Variants in PSME3 observed in about 807,000 individuals in gnomAD.
The protein encoded by PSME3 is proteasome activator complex subunit 3.
Under a neutral mutation model 38.3 loss-of-function variants are expected in PSME3, and 7 were observed. That is an observed-to-expected ratio of 0.18 (90% CI 0.10 to 0.34). The LOEUF (loss-of-function observed/expected upper bound fraction) is 0.34, where lower values mean the gene tolerates loss of function less well. Ranked by LOEUF, PSME3 falls within the 10% of genes least tolerant of loss-of-function variation. The probability of loss-of-function intolerance (pLI) is 1.00; values close to 1 mark genes in which losing one functional copy is unlikely to be tolerated. For synonymous variants in PSME3, 108 were observed against 105.7 expected (o/e 1.02, Z -0.13); for missense variants, 192 against 307.6 (o/e 0.62, Z 2.81).
intron 10 of PSME3, among the ~76,000 whole-genome samples, chr17:42,841,190 T>C (rs980871567): frequency 1.3e-5 from 2 of 151,958 alleles, no homozygotes; most frequent in African/African-American, 4.8e-5. Flanking sequence ...CCATAGGTTC[T>C]TAGAAACTGC....
At chr17:42,834,666 TTTTA>T in intron 3 of PSME3, 89 bp downstream of exon 3, 9 of 1,599,238 alleles carry the variant, frequency 5.6e-6, no homozygotes, top group Non-Finnish European at 7.7e-6. Flanking sequence ...TTCTTCTTCT[TTTTA>T]TTTTTTTAAA....
intron 3 of PSME3, 44 bp downstream of exon 3, chr17:42,834,621 C>A: frequency 6.2e-7 from 1 of 1,611,110 alleles, no homozygotes; most frequent in Non-Finnish European, 8.5e-7. Flanking sequence ...ATTTTTTTGG[C>A]CCTGGTATTA....
intron 4 of PSME3, among the ~76,000 whole-genome samples, chr17:42,835,618 C>T (rs1363425730): frequency 1.3e-5 from 2 of 151,524 alleles, no homozygotes; most frequent in South Asian, 2.1e-4. Context: ...CCAGCTACTT[C>T]GGAGGCTGAG....
chr17:42,835,483 T>G (rs934304903), intron 4 of PSME3, among the ~76,000 whole-genome samples: 1 of 152,126 alleles, frequency 6.6e-6, no homozygotes, highest in Non-Finnish European at 1.5e-5. Flanking sequence ...CCCAGCACTT[T>G]GGGAGGCCGA....
chr17:42,837,557 C>A, intron 4 of PSME3, 92 bp from the exon 5 acceptor site: 2 of 1,245,140 alleles, frequency 1.6e-6, no homozygotes, highest in Non-Finnish European at 2.4e-6. Context: ...AGCTATGAGG[C>A]TGAGGAAGGG....
chr17:42,836,038 C>G (rs2055458950), intron 4 of PSME3, among the ~76,000 whole-genome samples: 1 of 145,942 alleles, frequency 6.9e-6, no homozygotes, highest in Non-Finnish European at 1.5e-5. Flanking sequence ...CAGAGTCTCA[C>G]TCTGTTGCCT....
chr17:42,834,428 G>A, intron 2 of PSME3, 52 bp downstream of exon 2: 1 of 1,602,384 alleles, frequency 6.2e-7, no homozygotes, highest in Non-Finnish European at 8.5e-7. Flanking sequence ...TCCCAAAGAG[G>A]AGATACCTGG....
At position 42,834,563 on chromosome 17, in the gene PSME3, G is replaced by A; in HGVS notation, c.124G>A (p.Asp42Asn). 6.2e-7 allele frequency: 1 copy of A among 1,613,894 alleles called. No homozygotes were observed. The highest frequency in any genetic ancestry group is 8.5e-7 in the Non-Finnish European group (1 of 1,179,882). ...NFFPKKLLEL[D>N]SFLKEPILNI... ...TTTCCCAAAGAAGTTATTAGAACTT[G>A]ATAGTTTTCTGAAGGTGAGAGACCC... Residue 42 changes from aspartate (D) to asparagine (N), a missense_variant, in exon 3 of 11, where the codon GAT becomes AAT. Transcript: ENST00000590720.
chr17:42,833,566 C>A lies in PSME3; in HGVS notation c.-66C>A. On this transcript the variant is annotated 5_prime_UTR_variant, in exon 1 of 11. Coordinates refer to ENST00000590720, the MANE Select transcript of PSME3 (RefSeq NM_005789.4). Reference sequence around the variant, plus strand: ...TCAGCCGAGATTTCTCAGGTCCCTCCGGCCCCCTCCCTGGAGTCCACAGCG... The same window carrying A: ...TCAGCCGAGATTTCTCAGGTCCCTCAGGCCCCCTCCCTGGAGTCCACAGCG... 5 of 1,602,806 alleles carry A rather than the reference C, an allele frequency of 3.1e-6. No homozygotes were observed. The highest frequency in any genetic ancestry group is 4.3e-6 in the Non-Finnish European group (5 of 1,170,766).
intron 4 of PSME3, among the ~76,000 whole-genome samples, chr17:42,836,582 C>T (rs750194088): frequency 6.6e-6 from 1 of 152,112 alleles, no homozygotes; most frequent in African/African-American, 2.4e-5. Context: ...TGAGGGGGAA[C>T]CCAGTCTCAC....
chr17:42,838,565 G>A (rs758849021), intron 6 of PSME3, 166 bp from the exon 7 acceptor site: 95 of 724,828 alleles, frequency 1.3e-4, no homozygotes, highest in Middle Eastern at 3.7e-4. Flanking sequence ...TGATCCACCC[G>A]CTTCGGGGTC....
intron 1 of PSME3, 144 bp downstream of exon 1, chr17:42,833,817 G>C: frequency 6.4e-7 from 1 of 1,570,966 alleles, no homozygotes; most frequent in Non-Finnish European, 8.6e-7. Context: ...CCAACTCCCG[G>C]GGTCGGCTTC....
At position 42,838,021 on chromosome 17, in the gene PSME3, A is replaced by G. The variant is rs1294571797; in HGVS notation, c.293-72A>G. The G allele has an allele frequency of 2.0e-6, 3 of 1,526,482 alleles. No individual in the cohort carries two copies. In the East Asian group the frequency reaches 6.8e-5, roughly 34 times the overall value. The allele number at this position is 1,526,482 out of a possible 1,614,324, so 94.6% of individuals were successfully genotyped here. The stretch of plus-strand genomic sequence containing the variant: ...TCATAGCATCTGATAGGTATAGGGA[A>G]AATGAGAGAGAGGCAGGGGATGCTG... On this transcript the variant is annotated intron_variant, in intron 5 of 10. Transcript: ENST00000590720.
At position 42,842,078 on chromosome 17, in the gene PSME3, G is replaced by A. The variant is rs1320088416; in HGVS notation, c.*500G>A. ...ATTGGATCCTCCCACAGTTGCCCTGGTGATGACTTAGGGCTTCCCATCTGT... is the reference window on the plus strand; with the variant it reads ...ATTGGATCCTCCCACAGTTGCCCTGATGATGACTTAGGGCTTCCCATCTGT... On this transcript the variant is annotated 3_prime_UTR_variant, in exon 11 of 11. Transcript: ENST00000590720. 1 of 152,702 alleles carries A rather than the reference G, an allele frequency of 6.5e-6. No homozygotes were observed. The highest frequency in any genetic ancestry group is 2.4e-5 in the African/African-American group (1 of 41,404). The allele number at this position is 152,702 out of a possible 1,614,324, so 9.5% of individuals were successfully genotyped here. A position where few individuals can be genotyped will look rare whatever the true frequency, so the allele number is the denominator to read the frequency against.
intron 10 of PSME3, among the ~76,000 whole-genome samples, chr17:42,840,214 C>G (rs995807217): frequency 1.4e-4 from 21 of 146,710 alleles, no homozygotes; most frequent in Non-Finnish European, 2.5e-4. Context: ...ACCCGGGAGG[C>G]GGAGGTTGCA....
chr17:42,842,080 G>A lies in PSME3; in HGVS notation c.*502G>A, dbSNP rs2055541446. 6.5e-6 allele frequency: 1 copy of A among 152,810 alleles called. No individual in the cohort carries two copies. Among genetic ancestry groups the A allele is most frequent in the South Asian group, 2.1e-4 (1 of 4,874 alleles). The allele number at this position is 152,810 out of a possible 1,614,324, so 9.5% of individuals were successfully genotyped here. Reference sequence around the variant, plus strand: ...TGGATCCTCCCACAGTTGCCCTGGTGATGACTTAGGGCTTCCCATCTGTGT... The same window carrying A: ...TGGATCCTCCCACAGTTGCCCTGGTAATGACTTAGGGCTTCCCATCTGTGT... On this transcript the variant is annotated 3_prime_UTR_variant, in exon 11 of 11. Coordinates refer to ENST00000590720, the MANE Select transcript of PSME3 (RefSeq NM_005789.4).
chr17:42,841,595 AG>A lies in PSME3; in HGVS notation c.*21del. ...CTGTACTGAGGCCAGGGCCAGGGCC[AG>A]GGGACTCTGTGAGTCTGGCTCAAGA... is the stretch of plus-strand genomic sequence containing the variant. On this transcript the variant is annotated 3_prime_UTR_variant, in exon 11 of 11. Transcript: ENST00000590720. 6.4e-7 allele frequency: 1 copy of A among 1,564,276 alleles called. No individual in the cohort carries two copies. Among genetic ancestry groups the A allele is most frequent in the Non-Finnish European group, 8.7e-7 (1 of 1,147,396 alleles).
intron 10 of PSME3, among the ~76,000 whole-genome samples, chr17:42,840,143 C>T (rs937315534): frequency 1.3e-5 from 2 of 149,378 alleles, no homozygotes; most frequent in Admixed American, 6.7e-5. Flanking sequence ...TTTAGCCGGG[C>T]GTGGCGGCAC....
intron 10 of PSME3, among the ~76,000 whole-genome samples, chr17:42,840,313 G>A (rs947401520): frequency 1.3e-5 from 2 of 148,904 alleles, no homozygotes; most frequent in African/African-American, 5.0e-5. Context: ...AAAATAAAAT[G>A]GGACTGAAGA....
Sources: gnomAD v4.1 joint callset for allele counts (sites outside exome capture counted in the v4.1 genomes callset) on GRCh38, gnomAD v4.1.1 for gene constraint, MANE v1.5 for transcripts, NCBI Gene and HGNC (gene_info 2026-07-23, HGNC 2026-07-21) for gene names.